Variants in HCFC1R1 observed in about 807,000 individuals in gnomAD.
The protein encoded by HCFC1R1 is host cell factor C1 regulator 1.
In HCFC1R1, 17 loss-of-function variants were observed where a neutral mutation model predicts 13.3. The ratio of observed to expected loss-of-function variants is 1.28; its 90% CI spans 0.87 to 1.91. The LOEUF is 1.91. Ranked by LOEUF, HCFC1R1 falls within the 40% of genes most tolerant of loss-of-function variation. HCFC1R1 has a pLI of 0.00. For missense variants in HCFC1R1, 218 were observed against 177.9 expected (o/e 1.23, Z -1.28); for synonymous variants, 87 against 71.1 (o/e 1.22, Z -1.12).
chr16:3,023,712 C>T, intron 1 of HCFC1R1, 135 bp downstream of exon 1: 1 of 1,033,070 alleles, frequency 9.7e-7, no homozygotes, highest in Non-Finnish European at 1.4e-6. Flanking sequence ...CAGCCGCAGC[C>T]CCAGTCCCAT....
At chr16:3,023,107 G>A in intron 3 of HCFC1R1, 109 bp from the exon 4 acceptor site, 1 of 1,518,832 alleles carries the variant, frequency 6.6e-7, no homozygotes, top group Non-Finnish European at 8.9e-7. Context: ...ACTTTCCAAA[G>A]AGCCAAGATG....
In HCFC1R1 at chr16:3,022,906, G is replaced by C; in HGVS notation, c.374C>G (p.Pro125Arg). 2 of 1,560,662 alleles carry C rather than the reference G, an allele frequency of 1.3e-6. No homozygotes were observed. ...CCCAGCTGGGGTTGCAGGGTAGGGG[G>C]GACTGGGGGTGTCCCCCAGCCTCAG... ...RLLRLGDTPS[P>R]PYPATPAGDI... Residue 125 changes from proline (P) to arginine (R), a missense_variant, in exon 4 of 4, where the codon CCC (proline) becomes CGC (arginine). Pro to Arg is a moderately radical substitution (Grantham distance 103). Coordinates refer to ENST00000248089, the MANE Select transcript of HCFC1R1 (RefSeq NM_017885.4).
chr16:3,023,539 A>G lies in HCFC1R1; in HGVS notation c.96-9T>C, dbSNP rs149820313. 1 of 1,575,074 alleles carries G rather than the reference A, an allele frequency of 6.3e-7. No homozygotes were observed. Among genetic ancestry groups the G allele is most frequent in the Non-Finnish European group, 8.6e-7 (1 of 1,159,368 alleles). ...CTCCTCGGAGAGGGGAGCTGGGAAAAAAAGAGAGCCTGGTGCACCCCACCC... is the reference window on the plus strand; with the variant it reads ...CTCCTCGGAGAGGGGAGCTGGGAAAGAAAGAGAGCCTGGTGCACCCCACCC... On this transcript the variant is annotated splice_polypyrimidine_tract_variant and intron_variant, in intron 1 of 3. Transcript: ENST00000248089.
chr16:3,023,217 C>G lies in HCFC1R1; in HGVS notation c.281+16G>C. 1 of 1,541,680 alleles carries G rather than the reference C, an allele frequency of 6.5e-7. No homozygotes were observed. The highest frequency in any genetic ancestry group is 8.7e-7 in the Non-Finnish European group (1 of 1,145,530). ...CCTGTGATTCTGCAGAAGGCCTGGC[C>G]AGTGGAGGAACCTACCTGAGTGGGG... On this transcript the variant is annotated intron_variant, in intron 3 of 3. Coordinates refer to ENST00000248089, the MANE Select transcript of HCFC1R1 (RefSeq NM_017885.4).
upstream of HCFC1R1, chr16:3,024,203 G>A (rs1167050610): frequency 1.4e-5 from 17 of 1,238,940 alleles, no homozygotes; most frequent in Non-Finnish European, 2.0e-5. Flanking sequence ...GGTTCGGGAC[G>A]GTACGCACCA....
In HCFC1R1 at chr16:3,022,657, C is replaced by G; in HGVS notation, c.*206G>C. The G allele has an allele frequency of 2.2e-6, 1 of 451,416 alleles. No individual in the cohort carries two copies. Among genetic ancestry groups the G allele is most frequent in the Non-Finnish European group, 4.0e-6 (1 of 252,608 alleles). The allele number at this position is 451,416 out of a possible 1,614,324, so 28.0% of individuals were successfully genotyped here. A position where few individuals can be genotyped will look rare whatever the true frequency, so the allele number is the denominator to read the frequency against. On this transcript the variant is annotated 3_prime_UTR_variant, in exon 4 of 4. Coordinates refer to ENST00000248089, the MANE Select transcript of HCFC1R1 (RefSeq NM_017885.4). Reference sequence around the variant, plus strand: ...GCTCAGCAATCTTTATTCAGTTCTTCTTGGGGGTGGGATGCCTCCCTTCCC... The same window carrying G: ...GCTCAGCAATCTTTATTCAGTTCTTGTTGGGGGTGGGATGCCTCCCTTCCC...
chr16:3,023,638 T>C, intron 1 of HCFC1R1, 108 bp from the exon 2 acceptor site: 1 of 1,323,904 alleles, frequency 7.6e-7, no homozygotes, highest in South Asian at 1.5e-5. Context: ...CATTCCTGTC[T>C]CAGCTGGTGC....
chr16:3,023,541 A>G lies in HCFC1R1; in HGVS notation c.96-11T>C. The G allele has an allele frequency of 6.4e-7, 1 of 1,573,678 alleles. No homozygotes were observed. Among genetic ancestry groups the G allele is most frequent in the Non-Finnish European group, 8.6e-7 (1 of 1,158,616 alleles). The stretch of plus-strand genomic sequence containing the variant: ...CCTCGGAGAGGGGAGCTGGGAAAAA[A>G]AGAGAGCCTGGTGCACCCCACCCTC... On this transcript the variant is annotated splice_polypyrimidine_tract_variant and intron_variant, in intron 1 of 3. Transcript: ENST00000248089.
At chr16:3,024,088 C>G (rs1440446321), upstream of HCFC1R1, 1 of 750,366 alleles carries the variant, frequency 1.3e-6, no homozygotes. Flanking sequence ...TGGCGGAAGG[C>G]AGGCTTGCTC....
In HCFC1R1 at chr16:3,022,900, T is replaced by C. The variant is rs2072643568; in HGVS notation, c.380A>G (p.Tyr127Cys). Residue 127 changes from tyrosine (Y) to cysteine (C), a missense_variant, in exon 4 of 4, where the codon TAC becomes TGC. By Grantham distance (194) the Tyr-to-Cys change is radical. Transcript: ENST00000248089. Reference sequence around the variant, plus strand: ...TATGTCCCCAGCTGGGGTTGCAGGGTAGGGGGGACTGGGGGTGTCCCCCAG... The same window carrying C: ...TATGTCCCCAGCTGGGGTTGCAGGGCAGGGGGGACTGGGGGTGTCCCCCAG... ...LRLGDTPSPPYPATPAGDIME... is the reference protein window; with the variant it reads ...LRLGDTPSPPCPATPAGDIME... The C allele has an allele frequency of 6.4e-7, 1 of 1,556,136 alleles. No individual in the cohort carries two copies. The highest frequency in any genetic ancestry group is 8.6e-7 in the Non-Finnish European group (1 of 1,162,434).
Position 3,023,881 on chromosome 16 carries a change from C to T in HCFC1R1, c.61G>A (p.Ala21Thr). The change falls in exon 1 of 4, where the codon GCC (alanine) becomes ACC (threonine). Residue 21 changes from alanine (A) to threonine (T), a missense_variant. Ala to Thr is a moderately conservative substitution (Grantham distance 58, BLOSUM62 0). Coordinates refer to ENST00000248089, the MANE Select transcript of HCFC1R1 (RefSeq NM_017885.4). ...PQGGAQRLPR[A>T]ALGVTWGLDA... ...AGGCCCCAAGTCACCCCCAAGGCGG[C>T]CCGCGGGAGGCGCTGGGCCCCTCCC... The T allele has an allele frequency of 6.4e-7, 1 of 1,554,176 alleles. No homozygotes were observed.
chr16:3,024,114 G>A (rs893915164), upstream of HCFC1R1: 58 of 707,418 alleles, frequency 8.2e-5, 1 homozygote, highest in Middle Eastern at 7.6e-4. Flanking sequence ...GGTGGGGGAG[G>A]GTATCCGGCT....
In HCFC1R1 at chr16:3,022,939, A is replaced by T; in HGVS notation, c.341T>A (p.Leu114His). ...GGTGTCCCCCAGCCTCAGCAGACGGAGGGCCTCAGGGATGAGGCTGCCAGG... is the reference window on the plus strand; with the variant it reads ...GGTGTCCCCCAGCCTCAGCAGACGGTGGGCCTCAGGGATGAGGCTGCCAGG... Reference protein sequence around the residue: ...RYPGSLIPEALRLLRLGDTPS... With the variant: ...RYPGSLIPEAHRLLRLGDTPS... Residue 114 changes from leucine (L) to histidine (H), a missense_variant, in exon 4 of 4, where the codon CTC becomes CAC. Leu to His is a moderately conservative substitution (Grantham distance 99). Coordinates refer to ENST00000248089, the MANE Select transcript of HCFC1R1 (RefSeq NM_017885.4). The T allele has an allele frequency of 3.2e-6, 5 of 1,574,920 alleles. No homozygotes were observed. Among genetic ancestry groups the T allele is most frequent in the Non-Finnish European group, 4.3e-6 (5 of 1,168,462 alleles).
chr16:3,023,614 A>C, intron 1 of HCFC1R1, 84 bp from the exon 2 acceptor site: 1 of 1,419,840 alleles, frequency 7.0e-7, no homozygotes, highest in Non-Finnish European at 9.3e-7. Context: ...AGCATCAGCC[A>C]GGAGCCCCAA....
upstream of HCFC1R1, chr16:3,024,058 C>G (rs553787974): frequency 4.5e-6 from 4 of 884,854 alleles, no homozygotes; most frequent in Non-Finnish European, 5.1e-6. Flanking sequence ...TCTGCGCGGG[C>G]GCGGAAGACG....
At chr16:3,023,027 G>GGAGCTGAGGCTGGCC (rs745510766) in intron 3 of HCFC1R1, 29 bp from the exon 4 acceptor site, 106 of 1,590,016 alleles carry the variant, frequency 6.7e-5, no homozygotes, top group Admixed American at 9.5e-5. Flanking sequence ...GTCAGGGCAT[G>GGAGCTGAGGCTGGCC]GAGCTGAGGC....
chr16:3,024,228 G>A (rs972505568), upstream of HCFC1R1: 72 of 1,511,208 alleles, frequency 4.8e-5, no homozygotes, highest in African/African-American at 8.4e-4. Flanking sequence ...CCTTCGCGCC[G>A]AAGGCGGTAG....
At position 3,023,913 on chromosome 16, in the gene HCFC1R1, C is replaced by T; in HGVS notation, c.29G>A (p.Gly10Asp). The change falls in exon 1 of 4, where the codon GGC becomes GAC. Residue 10 changes from glycine (G) to aspartate (D), a missense_variant. Gly to Asp is a moderately conservative substitution (Grantham distance 94). Coordinates refer to ENST00000248089, the MANE Select transcript of HCFC1R1 (RefSeq NM_017885.4). MILQQPLQR[G>D]PQGGAQRLPR... is the part of the protein sequence containing the mutation. The stretch of plus-strand genomic sequence containing the variant: ...GAGGCGCTGGGCCCCTCCCTGGGGG[C>T]CTCGCTGCAAGGGCTGCTGCAGGAT... 1.3e-6 allele frequency: 2 copies of T among 1,557,530 alleles called. No homozygotes were observed. The highest frequency in any genetic ancestry group is 1.7e-6 in the Non-Finnish European group (2 of 1,154,206).
chr16:3,023,172 G>A (rs2072657987), intron 3 of HCFC1R1, 61 bp downstream of exon 3: 2 of 1,512,846 alleles, frequency 1.3e-6, no homozygotes, highest in Middle Eastern at 4.0e-4. Context: ...GGCAGGGCCT[G>A]AGGTCAGCTG....
Sources: allele counts gnomAD v4.1 joint callset, GRCh38; gene constraint gnomAD v4.1.1; transcripts MANE v1.5; gene names NCBI Gene and HGNC (gene_info 2026-07-23, HGNC 2026-07-21).